Variants in RBM38 observed in about 807,000 individuals in gnomAD.
RBM38 encodes RNA-binding protein 38.
In RBM38, 11 loss-of-function variants were observed where a neutral mutation model predicts 23.5. The observed-to-expected ratio is 0.47, with a 90% confidence interval of 0.29 to 0.77. The LOEUF is 0.77. Ranked by LOEUF, RBM38 falls within the 30% of genes least tolerant of loss-of-function variation. RBM38 has a pLI of 0.08. For missense variants in RBM38, 330 were observed against 351.9 expected, an observed-to-expected ratio of 0.94 and a Z score of 0.50; for synonymous variants, 165 against 166.1, an observed-to-expected ratio of 0.99 and a Z score of 0.05.
intron 3 of RBM38, among the ~76,000 whole-genome samples, chr20:57,400,599 A>G (rs1183552062): frequency 6.6e-6 from 1 of 152,086 alleles, no homozygotes; most frequent in Non-Finnish European, 1.5e-5. Flanking sequence ...GCCTGTGCCC[A>G]GTGTCCAGCG....
At chr20:57,395,151 G>C (rs1189933214) in intron 3 of RBM38, among the ~76,000 whole-genome samples, 1 of 152,262 alleles carries the variant, frequency 6.6e-6, no homozygotes, top group Non-Finnish European at 1.5e-5. Flanking sequence ...AGGCCTCTGA[G>C]GATGGGACTG....
rs1421786180 is a variant in RBM38, at chr20:57,391,782, C to T, written c.201C>T (p.Thr67=). 1.3e-6 allele frequency: 2 copies of T among 1,570,138 alleles called. No homozygotes were observed. Among genetic ancestry groups the T allele is most frequent in the South Asian group, 1.1e-5 (1 of 87,026 alleles). ...FGDIEEAVVI[T]DRQTGKSRGY... is the part of the protein sequence containing the mutation. ...ACATCGAGGAGGCCGTGGTCATCAC[C>T]GACCGCCAGACGGGCAAGTCCCGCG... The change falls in exon 1 of 4, where the codon ACC becomes ACT. Residue 67 remains threonine (T), a synonymous_variant. Transcript: ENST00000356208.
rs1600753623 is a variant in RBM38 at position 57,401,239 on chromosome 20, A to G, written c.417-6304A>G. Among the ~76,000 whole-genome samples the G allele has an allele frequency of 2.6e-5, 4 of 152,292 alleles. No individual in the cohort carries two copies. The East Asian group carries it at 5.8e-4, about 22-fold the overall frequency. On this transcript the variant is annotated intron_variant, in intron 3 of 3. Transcript: ENST00000356208. ...GAAGTCTCTGGGGTGCACAGAAGCA[A>G]TAGATCCTCACAGCAGCCCCCTGGG... is the stretch of plus-strand genomic sequence containing the variant.
chr20:57,403,209 T>C (rs1228815191), intron 3 of RBM38, among the ~76,000 whole-genome samples: 1 of 152,220 alleles, frequency 6.6e-6, no homozygotes, highest in African/African-American at 2.4e-5. Context: ...CCTCTAGGCC[T>C]CACAGCAAGC....
chr20:57,407,850 G>C lies in RBM38; in HGVS notation c.*4G>C. On this transcript the variant is annotated 3_prime_UTR_variant, in exon 4 of 4. Coordinates refer to ENST00000356208, the MANE Select transcript of RBM38 (RefSeq NM_017495.6). This position sits in a 1 kb window ranked among gnomAD's most constrained non-coding sequence, Gnocchi z 4.0. ...GCAGCCTGACAGGATGCAGTGAGGG[G>C]CGTTCCTGCCCCGAGGACTGTGGCA... 1 of 1,554,580 alleles carries C rather than the reference G, an allele frequency of 6.4e-7. No homozygotes were observed. Among genetic ancestry groups the C allele is most frequent in the Non-Finnish European group, 8.7e-7 (1 of 1,154,540 alleles).
At chr20:57,399,546 G>C (rs2067306943) in intron 3 of RBM38, among the ~76,000 whole-genome samples, 1 of 152,238 alleles carries the variant, frequency 6.6e-6, no homozygotes. Context: ...CCTGACTGGG[G>C]TGGAGGCAGC....
In RBM38 at chr20:57,408,512, T is replaced by C. The variant is rs1375149906; in HGVS notation, c.*666T>C. Reference sequence around the variant, plus strand: ...TTGCAACTTTTTTCTTGTAATTGTTTTGCTACTAAGATAATTTCAGAAGTT... The same window carrying C: ...TTGCAACTTTTTTCTTGTAATTGTTCTGCTACTAAGATAATTTCAGAAGTT... On this transcript the variant is annotated 3_prime_UTR_variant, in exon 4 of 4. Coordinates refer to ENST00000356208, the MANE Select transcript of RBM38 (RefSeq NM_017495.6). 6.6e-6 allele frequency: 1 copy of C among 152,556 alleles called. No individual in the cohort carries two copies. Among genetic ancestry groups the C allele is most frequent in the Non-Finnish European group, 1.5e-5 (1 of 68,278 alleles). The allele number at this position is 152,556 out of a possible 1,614,324, so 9.5% of individuals were successfully genotyped here. A position where few individuals can be genotyped will look rare whatever the true frequency, so the allele number is the denominator to read the frequency against.
intron 3 of RBM38, among the ~76,000 whole-genome samples, chr20:57,406,847 A>G (rs1411898529): frequency 6.6e-6 from 1 of 152,120 alleles, no homozygotes; most frequent in Non-Finnish European, 1.5e-5. Flanking sequence ...CAAAAAAATT[A>G]GCCGAGCGTG....
Position 57,391,641 on chromosome 20 carries a change from C to T in RBM38, c.60C>T (p.Ala20=). The T allele has an allele frequency of 6.8e-7, 1 of 1,476,870 alleles. No individual in the cohort carries two copies. The highest frequency in any genetic ancestry group is 2.3e-5 in the Admixed American group (1 of 43,884). The allele number at this position is 1,476,870 out of a possible 1,614,324, so 91.5% of individuals were successfully genotyped here. The change falls in exon 1 of 4, where the codon GCC becomes GCT. Residue 20 remains alanine, a synonymous_variant. Coordinates refer to ENST00000356208, the MANE Select transcript of RBM38 (RefSeq NM_017495.6). ...CGGGCTTCCCGCGGCCCCTGGCCGC[C>T]CCCGGCGCCATGCACGGCTCGCAGA... ...PSAGFPRPLA[A]PGAMHGSQKD...
In RBM38 at chr20:57,391,658, G is replaced by T. The variant is rs747860736; in HGVS notation, c.77G>T (p.Gly26Val). The change falls in exon 1 of 4, where the codon GGC (glycine) becomes GTC (valine). Residue 26 changes from glycine (G) to valine (V), a missense_variant. By Grantham distance (109) the Gly-to-Val change is moderately radical (BLOSUM62 -3). This residue lies in a region of RBM38 where 95 missense variants were observed against 111.9 expected (regional missense o/e 0.85). Coordinates refer to ENST00000356208, the MANE Select transcript of RBM38 (RefSeq NM_017495.6). ...RPLAAPGAMH[G>V]SQKDTTFTKI... Reference sequence around the variant, plus strand: ...CTGGCCGCCCCCGGCGCCATGCACGGCTCGCAGAAGGACACCACGTTCACC... The same window carrying T: ...CTGGCCGCCCCCGGCGCCATGCACGTCTCGCAGAAGGACACCACGTTCACC... 6.7e-7 allele frequency: 1 copy of T among 1,499,564 alleles called. No homozygotes were observed. The highest frequency in any genetic ancestry group is 8.9e-7 in the Non-Finnish European group (1 of 1,120,638). 92.9% of individuals were successfully genotyped at this position (1,499,564 alleles called of 1,614,324 possible).
At chr20:57,399,453 C>CT (rs771697970) in intron 3 of RBM38, among the ~76,000 whole-genome samples, 29 of 152,282 alleles carry the variant, frequency 1.9e-4, no homozygotes, top group South Asian at 6.2e-4. Context: ...TTCTGGGTGT[C>CT]TATTTTAAAG....
At chr20:57,401,014 T>C (rs1056177788) in intron 3 of RBM38, among the ~76,000 whole-genome samples, 3 of 152,174 alleles carry the variant, frequency 2.0e-5, no homozygotes, top group African/African-American at 7.2e-5. Context: ...CGGTGGGCCC[T>C]GGCCAAACAG....
intron 3 of RBM38, among the ~76,000 whole-genome samples, chr20:57,393,877 C>T (rs1042942871): frequency 9.2e-5 from 14 of 152,094 alleles, no homozygotes; most frequent in African/African-American, 3.4e-4. Flanking sequence ...CTATGGGCTT[C>T]TAGTCTGACT....
intron 3 of RBM38, among the ~76,000 whole-genome samples, chr20:57,402,067 C>G (rs2067333630): frequency 6.6e-6 from 1 of 152,182 alleles, no homozygotes; most frequent in African/African-American, 2.4e-5. Context: ...CCTGCCTCGG[C>G]CTCCTGAGTA....
chr20:57,408,691 G>A lies in RBM38; in HGVS notation c.*845G>A, dbSNP rs1031343892. 5 of 151,904 alleles carry A rather than the reference G, an allele frequency of 3.3e-5. No homozygotes were observed. The highest frequency in any genetic ancestry group is 7.3e-5 in the Non-Finnish European group (5 of 68,030). 9.4% of individuals were successfully genotyped at this position (151,904 alleles called of 1,614,324 possible). ...CCGGCTCGCGGGCCAGGATCCTCTC[G>A]GTGGGATGGGCACCACAGACAGGAG... On this transcript the variant is annotated 3_prime_UTR_variant, in exon 4 of 4. Coordinates refer to ENST00000356208, the MANE Select transcript of RBM38 (RefSeq NM_017495.6).
In RBM38 at chr20:57,400,500, G is replaced by C. The variant is rs1171253625; in HGVS notation, c.417-7043G>C. On this transcript the variant is annotated intron_variant, in intron 3 of 3. Coordinates refer to ENST00000356208, the MANE Select transcript of RBM38 (RefSeq NM_017495.6). ...CCGTTTCAGTGGCTCCGTGATTTGGGGGTTTGGTGTTGCCCAGGCTCCGGC... is the reference window on the plus strand; with the variant it reads ...CCGTTTCAGTGGCTCCGTGATTTGGCGGTTTGGTGTTGCCCAGGCTCCGGC... Among the ~76,000 whole-genome samples the C allele has an allele frequency of 3.3e-5, 5 of 152,266 alleles. No homozygotes were observed. The East Asian group carries it at 7.7e-4, about 24-fold the overall frequency.
intron 3 of RBM38, 141 bp downstream of exon 3, chr20:57,393,474 G>T (rs139495052): frequency 1.0e-6 from 1 of 953,484 alleles, no homozygotes. Flanking sequence ...GTGAAGAGAA[G>T]GCAGATTGCA....
chr20:57,398,731 G>C (rs1328521182), intron 3 of RBM38, among the ~76,000 whole-genome samples: 2 of 152,266 alleles, frequency 1.3e-5, no homozygotes, highest in African/African-American at 4.8e-5. Context: ...CTGGCTCGCT[G>C]CTGGGCTTGG....
intron 3 of RBM38, among the ~76,000 whole-genome samples, chr20:57,401,273 T>A (rs1395098951): frequency 6.6e-6 from 1 of 152,138 alleles, no homozygotes; most frequent in Non-Finnish European, 1.5e-5. Flanking sequence ...GGGCGTGTGG[T>A]TCCCCAGAGG....
Sources: gnomAD v4.1 joint callset for allele counts (sites outside exome capture counted in the v4.1 genomes callset) on GRCh38, gnomAD v4.1.1 for gene constraint, gnomAD v4.1.1 regional missense constraint, Gnocchi (gnomAD v3.1) non-coding constraint, MANE v1.5 for transcripts, NCBI Gene and HGNC (gene_info 2026-07-23, HGNC 2026-07-21) for gene names.